The following PPFIA2 variants were observed in gnomAD, a reference collection of about 807,000 sequenced individuals.
PPFIA2 encodes the protein liprin-alpha-2.
Under a neutral mutation model 175.5 loss-of-function variants are expected in PPFIA2, and 46 were observed. The ratio of observed to expected loss-of-function variants is 0.26; its 90% CI spans 0.21 to 0.34. The LOEUF (loss-of-function observed/expected upper bound fraction) is 0.34, where lower values mean the gene tolerates loss of function less well. Among genes scored for constraint, PPFIA2 ranks in the 10% least tolerant of loss-of-function variants. The probability of loss-of-function intolerance (pLI) is 1.00; values close to 1 mark genes in which losing one functional copy is unlikely to be tolerated. For synonymous variants in PPFIA2, 568 were observed against 511.4 expected, an observed-to-expected ratio of 1.11 and a Z score of -1.49; for missense variants, 1,179 against 1,506.1, an observed-to-expected ratio of 0.78 and a Z score of 3.60.
chr12:81,536,070 G>A (rs1004412765), intron 4 of PPFIA2, among the ~76,000 whole-genome samples: 1 of 151,734 alleles, frequency 6.6e-6, no homozygotes, highest in Non-Finnish European at 1.5e-5. Context: ...TAAGTCTTCA[G>A]TGAATATATG....
intron 22 of PPFIA2, among the ~76,000 whole-genome samples, chr12:81,305,067 A>G (rs185816075): frequency 7.0e-4 from 106 of 152,216 alleles, no homozygotes; most frequent in Non-Finnish European, 1.2e-3. Flanking sequence ...CACAGCATAC[A>G]TTCAATAAAT....
intron 4 of PPFIA2, among the ~76,000 whole-genome samples, chr12:81,622,663 G>C (rs2062195309): frequency 6.6e-6 from 1 of 152,068 alleles, no homozygotes; most frequent in Admixed American, 6.6e-5. Flanking sequence ...AAAGAAAAGA[G>C]TTCAGAGATG....
chr12:81,435,761 CTCTTAATTA>C (rs2048871777), intron 7 of PPFIA2, among the ~76,000 whole-genome samples: 1 of 146,308 alleles, frequency 6.8e-6, no homozygotes, highest in South Asian at 2.1e-4. Flanking sequence ...TAAATCTCTT[CTCTTAATTA>C]TCCGTTCTGA....
chr12:81,331,743 T>C (rs1242803897), intron 21 of PPFIA2, among the ~76,000 whole-genome samples: 1 of 152,214 alleles, frequency 6.6e-6, no homozygotes, highest in Non-Finnish European at 1.5e-5. Flanking sequence ...GTTTTCATTA[T>C]TTTTTTCATA....
Position 81,464,033 on chromosome 12 carries a change from T to C in PPFIA2, c.304-6167A>G, listed in dbSNP as rs186702056. On this transcript the variant is annotated intron_variant, in intron 4 of 32. Transcript: ENST00000549396. ...CTAATATTCCCAGTTGTTACCTTTT[T>C]ACTTATTTTCTTCCCCGCTCCCATC... Among the ~76,000 whole-genome samples the C allele has an allele frequency of 5.4e-4, 82 of 152,238 alleles. 1 individual carries two copies. The highest frequency in any genetic ancestry group is 1.9e-3 in the African/African-American group (80 of 41,566).
At chr12:81,663,280 C>T (rs370151830) in intron 4 of PPFIA2, among the ~76,000 whole-genome samples, 12 of 152,206 alleles carry the variant, frequency 7.9e-5, no homozygotes, top group East Asian at 7.7e-4. Flanking sequence ...GATTGTATAT[C>T]TAGAAAACCC....
At chr12:81,641,312 T>A (rs971107107) in intron 4 of PPFIA2, among the ~76,000 whole-genome samples, 8 of 152,192 alleles carry the variant, frequency 5.3e-5, no homozygotes, top group Admixed American at 4.6e-4. Context: ...ATTCCAAATC[T>A]CATTGATTAT....
intron 28 of PPFIA2, among the ~76,000 whole-genome samples, chr12:81,274,715 A>G (rs1324574386): frequency 6.6e-6 from 1 of 152,230 alleles, no homozygotes; most frequent in East Asian, 1.9e-4. Flanking sequence ...TCAGAAAACT[A>G]TTCATTAAGG....
intron 4 of PPFIA2, among the ~76,000 whole-genome samples, chr12:81,569,217 T>TA (rs2071984404): frequency 6.6e-6 from 1 of 152,180 alleles, no homozygotes; most frequent in Non-Finnish European, 1.5e-5. Context: ...TTGCTTTTTT[T>TA]ATCTTTAACA....
chr12:81,639,963 T>C (rs989109181), intron 4 of PPFIA2, among the ~76,000 whole-genome samples: 2 of 152,196 alleles, frequency 1.3e-5, no homozygotes, highest in Admixed American at 1.3e-4. Context: ...CAAAATTTCT[T>C]ATATAAATTG....
intron 7 of PPFIA2, among the ~76,000 whole-genome samples, chr12:81,407,179 A>G (rs1248088356): frequency 6.6e-6 from 1 of 152,184 alleles, no homozygotes; most frequent in East Asian, 1.9e-4. Flanking sequence ...GTAACCCTTC[A>G]GCTTTCTAAC....
intron 4 of PPFIA2, among the ~76,000 whole-genome samples, chr12:81,489,750 G>C (rs536884453): frequency 6.6e-6 from 1 of 151,824 alleles, no homozygotes; most frequent in African/African-American, 2.4e-5. Flanking sequence ...TGAAAGTATT[G>C]TATTTGTTAT....
intron 4 of PPFIA2, among the ~76,000 whole-genome samples, chr12:81,612,461 A>G (rs1214128931): frequency 2.6e-5 from 4 of 152,270 alleles, no homozygotes; most frequent in South Asian, 4.2e-4. Context: ...AGTGTTGTCA[A>G]TTTTAGCAGT....
intron 4 of PPFIA2, among the ~76,000 whole-genome samples, chr12:81,462,018 G>C (rs2054619314): frequency 6.6e-6 from 1 of 151,492 alleles, no homozygotes; most frequent in South Asian, 2.1e-4. Context: ...GTAAATCCTT[G>C]TTGTGATAAT....
At chr12:81,301,281 T>C (rs997370942) in intron 22 of PPFIA2, among the ~76,000 whole-genome samples, 1 of 152,062 alleles carries the variant, frequency 6.6e-6, no homozygotes, top group Non-Finnish European at 1.5e-5. Flanking sequence ...TTACATCCAA[T>C]AGGGAAAGCG....
intron 4 of PPFIA2, among the ~76,000 whole-genome samples, chr12:81,467,120 AAG>A (rs1159225693): frequency 6.6e-6 from 1 of 151,900 alleles, no homozygotes; most frequent in Non-Finnish European, 1.5e-5. Context: ...AATAATAAAA[AAG>A]AGAGAGTTCT....
chr12:81,697,629 T>C (rs1399155728), intron 3 of PPFIA2, among the ~76,000 whole-genome samples: 1 of 152,142 alleles, frequency 6.6e-6, no homozygotes, highest in African/African-American at 2.4e-5. Flanking sequence ...GATAGCATAG[T>C]TTTCCTTAGT....
In PPFIA2 at chr12:81,655,866, T is replaced by C. The variant is rs1307098216; in HGVS notation, c.303+20925A>G. ...AGATCTGCGGAGAAGTAAAATAAAATGTTCTACCATGATTGAGGCTTTTCT... is the reference window on the plus strand; with the variant it reads ...AGATCTGCGGAGAAGTAAAATAAAACGTTCTACCATGATTGAGGCTTTTCT... On this transcript the variant is annotated intron_variant, in intron 4 of 32. Transcript: ENST00000549396. Among the ~76,000 whole-genome samples the C allele has an allele frequency of 2.6e-5, 4 of 152,012 alleles. No individual in the cohort carries two copies. In the East Asian group the frequency reaches 7.7e-4, roughly 29 times the overall value.
chr12:81,523,501 A>G (rs1451857182), intron 4 of PPFIA2, among the ~76,000 whole-genome samples: 1 of 152,210 alleles, frequency 6.6e-6, no homozygotes, highest in African/African-American at 2.4e-5. Flanking sequence ...CACCTCACTT[A>G]GCACATTTTT....
Sources: gnomAD v4.1 joint callset for allele counts (sites outside exome capture counted in the v4.1 genomes callset) on GRCh38, gnomAD v4.1.1 for gene constraint, MANE v1.5 for transcripts, NCBI Gene and HGNC (gene_info 2026-07-23, HGNC 2026-07-21) for gene names.